The following ARMH4 variants were observed in gnomAD, a reference collection of about 807,000 sequenced individuals.
ARMH4 encodes the protein armadillo-like helical domain-containing protein 4.
A neutral mutation model predicts 61.9 loss-of-function variants in ARMH4; 49 were observed. The observed-to-expected ratio is 0.79, with a 90% confidence interval of 0.63 to 1.00. The LOEUF (loss-of-function observed/expected upper bound fraction) is 1.00. Ranked by LOEUF, ARMH4 falls within the 50% of genes least tolerant of loss-of-function variation. The pLI, the probability that ARMH4 is intolerant of heterozygous loss-of-function variation, is 0.00. For missense variants in ARMH4, 934 were observed against 930.0 expected (o/e 1.00, Z -0.06); for synonymous variants, 368 against 341.5 (o/e 1.08, Z -0.85).
At chr14:58,147,221 C>T (rs963833909) in intron 1 of ARMH4, among the ~76,000 whole-genome samples, 2 of 152,056 alleles carry the variant, frequency 1.3e-5, no homozygotes, top group African/African-American at 4.8e-5. Context: ...ATTGTAACTT[C>T]TGATCACCTC....
At chr14:58,105,665 C>T (rs1011797523) in intron 4 of ARMH4, among the ~76,000 whole-genome samples, 6 of 143,524 alleles carry the variant, frequency 4.2e-5, no homozygotes, top group African/African-American at 1.3e-4. Context: ...CCAGCCTGGG[C>T]AACAGAGTAA....
At chr14:58,051,733 C>T (rs1002979375) in intron 5 of ARMH4, among the ~76,000 whole-genome samples, 2 of 152,046 alleles carry the variant, frequency 1.3e-5, no homozygotes, top group Admixed American at 6.6e-5. Context: ...TCAAATTGAA[C>T]GGTCTTATAT....
chr14:58,123,873 T>C (rs1020380789), intron 4 of ARMH4, among the ~76,000 whole-genome samples: 3 of 152,322 alleles, frequency 2.0e-5, no homozygotes, highest in Middle Eastern at 6.8e-3. Context: ...TTCAGAAACC[T>C]TGTGCCATCA....
chr14:58,021,229 A>G (rs999040138), intron 5 of ARMH4, among the ~76,000 whole-genome samples: 2 of 152,186 alleles, frequency 1.3e-5, no homozygotes, highest in African/African-American at 4.8e-5. Flanking sequence ...TGTAACTGCC[A>G]CTATCCTCAC....
chr14:58,133,240 T>G lies in ARMH4; in HGVS notation c.1471A>C (p.Ser491Arg). The G allele has an allele frequency of 6.2e-7, 1 of 1,614,166 alleles. No individual in the cohort carries two copies. The highest frequency in any genetic ancestry group is 8.5e-7 in the Non-Finnish European group (1 of 1,180,036). ...TCCTTTTCTTCCTCAGTCTTGCCACTGTCTCTGATAAGCTCGAGGGTAGCA... is the reference window on the plus strand; with the variant it reads ...TCCTTTTCTTCCTCAGTCTTGCCACGGTCTCTGATAAGCTCGAGGGTAGCA... Reference protein sequence around the residue: ...QVATLELIRDSGKTEEEKEDP... With the variant: ...QVATLELIRDRGKTEEEKEDP... Residue 491 changes from serine (S) to arginine (R), a missense_variant, in exon 3 of 8, where the codon AGT becomes CGT. Physicochemically the swap from Ser to Arg is moderately radical, Grantham distance 110 (BLOSUM62 -1). Transcript: ENST00000267485.
chr14:58,013,129 A>C (rs1057072587), intron 5 of ARMH4, among the ~76,000 whole-genome samples: 3 of 152,236 alleles, frequency 2.0e-5, no homozygotes, highest in Non-Finnish European at 4.4e-5. Flanking sequence ...CAGAAGCTTC[A>C]ACAGACAGGA....
chr14:58,116,283 C>T (rs934169031), intron 4 of ARMH4: 47 of 171,200 alleles, frequency 2.7e-4, no homozygotes, highest in African/African-American at 1.0e-3. Flanking sequence ...TTAGAAGGTA[C>T]ATTCATGAGA....
At chr14:58,080,745 ATTTTT>A (rs988803321) in intron 5 of ARMH4, among the ~76,000 whole-genome samples, 2 of 151,934 alleles carry the variant, frequency 1.3e-5, no homozygotes, top group African/African-American at 4.8e-5. Context: ...GGTTGAATTT[ATTTTT>A]TTTAAGATTT....
intron 5 of ARMH4, among the ~76,000 whole-genome samples, chr14:58,081,772 C>T (rs1201063648): frequency 1.3e-5 from 2 of 152,112 alleles, no homozygotes; most frequent in East Asian, 1.9e-4. Context: ...TCCCAAAGTG[C>T]TGGGATTACA....
intron 4 of ARMH4, among the ~76,000 whole-genome samples, chr14:58,097,936 T>A (rs905245531): frequency 2.0e-5 from 3 of 152,164 alleles, no homozygotes; most frequent in Non-Finnish European, 2.9e-5. Context: ...CCAATTTCAT[T>A]TTGTTTCACC....
intron 5 of ARMH4, among the ~76,000 whole-genome samples, chr14:58,095,864 G>A (rs1366594092): frequency 3.9e-5 from 6 of 152,310 alleles, no homozygotes; most frequent in Non-Finnish European, 7.3e-5. Flanking sequence ...CACACTGAAG[G>A]AATCAATGGG....
chr14:58,148,135 C>T (rs945117402), intron 1 of ARMH4, among the ~76,000 whole-genome samples: 1 of 152,162 alleles, frequency 6.6e-6, no homozygotes, highest in African/African-American at 2.4e-5. Flanking sequence ...CAACCTCCAC[C>T]TCCCAGGTTC....
At chr14:58,038,444 C>G (rs1883560646) in intron 5 of ARMH4, among the ~76,000 whole-genome samples, 1 of 131,196 alleles carries the variant, frequency 7.6e-6, no homozygotes, top group East Asian at 2.5e-4. Flanking sequence ...GGAGATATAC[C>G]TAATGCTAGA....
chr14:58,087,252 T>C (rs1435434541), intron 5 of ARMH4, among the ~76,000 whole-genome samples: 1 of 152,204 alleles, frequency 6.6e-6, no homozygotes, highest in Non-Finnish European at 1.5e-5. Context: ...ATTTAGGAGA[T>C]CCTACGTAAC....
chr14:58,021,504 T>G (rs1882829720), intron 5 of ARMH4, among the ~76,000 whole-genome samples: 1 of 152,204 alleles, frequency 6.6e-6, no homozygotes, highest in Non-Finnish European at 1.5e-5. Context: ...CTCAGGTATT[T>G]CTTCATGGCA....
chr14:58,109,854 C>G (rs1312419267), intron 4 of ARMH4, among the ~76,000 whole-genome samples: 1 of 152,152 alleles, frequency 6.6e-6, no homozygotes, highest in Non-Finnish European at 1.5e-5. Context: ...ACTCACAGTA[C>G]TGCATGGCTG....
At chr14:58,040,210 G>T (rs921948402) in intron 5 of ARMH4, among the ~76,000 whole-genome samples, 1 of 151,976 alleles carries the variant, frequency 6.6e-6, no homozygotes, top group Non-Finnish European at 1.5e-5. Context: ...GAGCAGGTTT[G>T]TTATATAGGT....
intron 1 of ARMH4, among the ~76,000 whole-genome samples, chr14:58,140,604 T>A (rs1287843515): frequency 7.1e-6 from 1 of 140,672 alleles, no homozygotes. Context: ...AATAAATAAA[T>A]AAAATATAAA....
At chr14:58,136,581 C>T (rs1887308101) in intron 2 of ARMH4, among the ~76,000 whole-genome samples, 4 of 152,090 alleles carry the variant, frequency 2.6e-5, no homozygotes. Flanking sequence ...GATCTTTCAC[C>T]ATTTTAATTC....
Sources: gnomAD v4.1 joint callset for allele counts (sites outside exome capture counted in the v4.1 genomes callset) on GRCh38, gnomAD v4.1.1 for gene constraint, MANE v1.5 for transcripts, NCBI Gene and HGNC (gene_info 2026-07-23, HGNC 2026-07-21) for gene names.